Variants in PRMT2 observed in about 807,000 individuals in gnomAD.
PRMT2 encodes the protein protein arginine methyltransferase 2.
Under a neutral mutation model 57.6 loss-of-function variants are expected in PRMT2, and 26 were observed. That is an observed-to-expected ratio of 0.45 (90% CI 0.33 to 0.63). The LOEUF (loss-of-function observed/expected upper bound fraction) is 0.63. PRMT2 is among the 20% of genes least tolerant of loss of function. The pLI is 0.02. For missense variants in PRMT2, 472 were observed against 564.4 expected (o/e 0.84, Z 1.66); for synonymous variants, 219 against 220.0 (o/e 1.00, Z 0.04).
At chr21:46,646,776 C>G (rs1045052820) in intron 5 of PRMT2, among the ~76,000 whole-genome samples, 29 of 152,178 alleles carry the variant, frequency 1.9e-4, no homozygotes, top group Admixed American at 1.6e-3. Context: ...CCAGTTCGCC[C>G]TCCAGAAAGA....
intron 10 of PRMT2, among the ~76,000 whole-genome samples, chr21:46,662,187 C>T (rs751214586): frequency 3.9e-5 from 6 of 152,196 alleles, no homozygotes; most frequent in Non-Finnish European, 7.4e-5. Flanking sequence ...CCTCCGACAA[C>T]AGCCCCAACG....
At chr21:46,639,877 T>C (rs1230661264) in intron 3 of PRMT2, among the ~76,000 whole-genome samples, 1 of 152,222 alleles carries the variant, frequency 6.6e-6, no homozygotes, top group East Asian at 1.9e-4. Context: ...TAACACTTCA[T>C]GTTATGACGA....
At chr21:46,656,691 G>C (rs543432515) in intron 7 of PRMT2, 1 of 152,126 alleles carries the variant, frequency 6.6e-6, no homozygotes, top group South Asian at 2.1e-4. Flanking sequence ...ATTGATCATA[G>C]ATCTAAGTGT....
intron 7 of PRMT2, chr21:46,655,040 C>G (rs2061521839): frequency 2.7e-6 from 1 of 370,134 alleles, no homozygotes; most frequent in Non-Finnish European, 3.7e-6. Flanking sequence ...CCTGAATGGT[C>G]CAATAACTAG....
intron 9 of PRMT2, 68 bp from the exon 10 acceptor site, chr21:46,661,732 G>A: frequency 1.6e-6 from 2 of 1,263,050 alleles, no homozygotes; most frequent in Non-Finnish European, 2.0e-6. Context: ...CGTGGAGGGG[G>A]CCGCCCCAAC....
At chr21:46,652,020 T>A (rs1217288019) in intron 7 of PRMT2, 5 of 1,613,008 alleles carry the variant, frequency 3.1e-6, no homozygotes, top group Non-Finnish European at 4.2e-6. Context: ...TGACATGTAG[T>A]AAAAGTCTGA....
intron 7 of PRMT2, among the ~76,000 whole-genome samples, chr21:46,650,701 CA>C (rs1316623264): frequency 6.6e-6 from 1 of 152,172 alleles, no homozygotes; most frequent in Admixed American, 6.5e-5. Flanking sequence ...GAGGACAGAG[CA>C]GGAGTGAGGC....
chr21:46,635,836 G>T (rs114653215), intron 1 of PRMT2, 73 bp downstream of exon 1: 2 of 152,364 alleles, frequency 1.3e-5, no homozygotes, highest in Non-Finnish European at 2.9e-5. Context: ...AGGCGTCCTC[G>T]CACTGCGTGT....
intron 10 of PRMT2, 144 bp from the exon 11 acceptor site, chr21:46,663,239 T>C: frequency 1.4e-6 from 1 of 712,458 alleles, no homozygotes; most frequent in Middle Eastern, 4.1e-4. Context: ...CCAAGCTTTG[T>C]GTCCCCAGGC....
At position 46,649,483 on chromosome 21, in the gene PRMT2, C is replaced by T; in HGVS notation, c.490-92C>T. On this transcript the variant is annotated intron_variant, in intron 6 of 11. Coordinates refer to ENST00000355680, the MANE Select transcript of PRMT2 (RefSeq NM_206962.4). The surrounding 1 kb of genome is among the most constrained non-coding windows in gnomAD (Gnocchi z 4.8). ...TGCTGCTTCCCTCTTGTGTCATTGA[C>T]CATTTCTCGTGATGCTGGTTGTGAC... 3 of 1,586,220 alleles carry T rather than the reference C, an allele frequency of 1.9e-6. No individual in the cohort carries two copies. Among genetic ancestry groups the T allele is most frequent in the Non-Finnish European group, 2.6e-6 (3 of 1,157,390 alleles).
chr21:46,649,780 G>T lies in PRMT2; in HGVS notation c.654+41G>T. The T allele has an allele frequency of 6.3e-7, 1 of 1,594,656 alleles. No individual in the cohort carries two copies. The highest frequency in any genetic ancestry group is 8.5e-7 in the Non-Finnish European group (1 of 1,170,338). Reference sequence around the variant, plus strand: ...CGGGCAGCTGGGGGCCGGAGCTGGGGGGCTTCTGAGCACGGGCTCGGCTGG... The same window carrying T: ...CGGGCAGCTGGGGGCCGGAGCTGGGTGGCTTCTGAGCACGGGCTCGGCTGG... On this transcript the variant is annotated intron_variant, in intron 7 of 11. Coordinates refer to ENST00000355680, the MANE Select transcript of PRMT2 (RefSeq NM_206962.4). The surrounding 1 kb of genome is among the most constrained non-coding windows in gnomAD (Gnocchi z 4.8).
rs1198532621 is a variant in PRMT2, at chr21:46,664,241, T to C, written c.1270-54T>C. The C allele has an allele frequency of 1.1e-5, 15 of 1,414,612 alleles. No homozygotes were observed. The Admixed American group carries it at 2.0e-4, about 19-fold the overall frequency. 87.6% of individuals were successfully genotyped at this position (1,414,612 alleles called of 1,614,324 possible). On this transcript the variant is annotated intron_variant, in intron 11 of 11. Transcript: ENST00000355680. The stretch of plus-strand genomic sequence containing the variant: ...TATTAAACCATTAGGAAATGTAGTA[T>C]GTTAATCAAATGATTTATCATCTGA...
intron 8 of PRMT2, chr21:46,660,091 A>G (rs1200730626): frequency 2.1e-5 from 20 of 972,652 alleles, no homozygotes; most frequent in African/African-American, 3.5e-5. Flanking sequence ...TATCAGAAAA[A>G]TAAATGTGTA....
Position 46,655,890 on chromosome 21 carries a change from A to C in PRMT2, c.655-2855A>C, listed in dbSNP as rs531174880. Among the ~76,000 whole-genome samples, 4 of 152,326 alleles carry C rather than the reference A, an allele frequency of 2.6e-5. No homozygotes were observed. The South Asian group carries it at 6.2e-4, about 24-fold the overall frequency. Reference sequence around the variant, plus strand: ...TTTAAATTGATCTGTAGACTTAATAAAATTCCAATTAGAATCCAAGCAGGA... The same window carrying C: ...TTTAAATTGATCTGTAGACTTAATACAATTCCAATTAGAATCCAAGCAGGA... On this transcript the variant is annotated intron_variant, in intron 7 of 11. Coordinates refer to ENST00000355680, the MANE Select transcript of PRMT2 (RefSeq NM_206962.4).
chr21:46,638,841 A>G (rs1001838202), intron 3 of PRMT2, among the ~76,000 whole-genome samples: 5 of 152,096 alleles, frequency 3.3e-5, no homozygotes, highest in African/African-American at 1.2e-4. Context: ...TTTTATTTTT[A>G]TAAAGAACCA....
At chr21:46,636,651 C>T in intron 2 of PRMT2, 104 bp downstream of exon 2, 1 of 368,280 alleles carries the variant, frequency 2.7e-6, no homozygotes, top group Non-Finnish European at 4.9e-6. Flanking sequence ...AACTAACAGG[C>T]TTCAGCAAAT....
Position 46,649,559 on chromosome 21 carries a change from G to A in PRMT2, c.490-16G>A, listed in dbSNP as rs375723733. The stretch of plus-strand genomic sequence containing the variant: ...TGCCGGCCGGATGTACGCTGACGGT[G>A]CCTCTGCTGCTGCAGGTGTACGCGG... On this transcript the variant is annotated splice_polypyrimidine_tract_variant and intron_variant, in intron 6 of 11. Coordinates refer to ENST00000355680, the MANE Select transcript of PRMT2 (RefSeq NM_206962.4). This position sits in a 1 kb window ranked among gnomAD's most constrained non-coding sequence, Gnocchi z 4.8. 11 of 1,613,806 alleles carry A rather than the reference G, an allele frequency of 6.8e-6. No homozygotes were observed. Among genetic ancestry groups the A allele is most frequent in the Non-Finnish European group, 9.3e-6 (11 of 1,180,042 alleles).
At position 46,643,597 on chromosome 21, in the gene PRMT2, G is replaced by A. The variant is rs1601922018; in HGVS notation, c.102G>A (p.Glu34=). ...TGCAGGAGGGAGTACAGCCAGAGGA[G>A]TTTGTGGCCATCGCGGACTACGCTG... ...GLLQEGVQPE[E]FVAIADYAAT... Residue 34 remains glutamate (E), a synonymous_variant, in exon 4 of 12, where the codon GAG becomes GAA. Transcript: ENST00000355680. 1 of 1,611,304 alleles carries A rather than the reference G, an allele frequency of 6.2e-7. No individual in the cohort carries two copies. Among genetic ancestry groups the A allele is most frequent in the East Asian group, 2.2e-5 (1 of 44,620 alleles).
intron 5 of PRMT2, among the ~76,000 whole-genome samples, chr21:46,647,276 T>C (rs2148978285): frequency 6.6e-6 from 1 of 152,340 alleles, no homozygotes; most frequent in South Asian, 2.1e-4. Flanking sequence ...CTTTTGATTT[T>C]TGTTGATTCG....
Sources: gnomAD v4.1 joint callset for allele counts (sites outside exome capture counted in the v4.1 genomes callset) on GRCh38, gnomAD v4.1.1 for gene constraint, Gnocchi (gnomAD v3.1) non-coding constraint, MANE v1.5 for transcripts, NCBI Gene and HGNC (gene_info 2026-07-23, HGNC 2026-07-21) for gene names.